The following SERPIND1 variants were observed in gnomAD, a reference collection of about 807,000 sequenced individuals.
SERPIND1 encodes heparin cofactor 2.
In SERPIND1, 34 loss-of-function variants were observed where a neutral mutation model predicts 35.0. That is an observed-to-expected ratio of 0.97 (90% confidence interval 0.74 to 1.29). The LOEUF (loss-of-function observed/expected upper bound fraction) is 1.29, where lower values mean the gene tolerates loss of function less well. Among genes scored for constraint, SERPIND1 ranks in the 50% most tolerant of loss-of-function variants. SERPIND1 has a pLI of 0.00. For missense variants in SERPIND1, 633 were observed against 637.7 expected (o/e 0.99, Z 0.08); for synonymous variants, 236 against 241.1 (o/e 0.98, Z 0.19).
intron 1 of SERPIND1, among the ~76,000 whole-genome samples, chr22:20,776,557 C>A (rs1264054559): frequency 6.6e-6 from 1 of 152,122 alleles, no homozygotes; most frequent in Non-Finnish European, 1.5e-5. Context: ...AAGGGGAAGA[C>A]CCAAGGAATG....
rs1269824022 is a variant in SERPIND1 at position 20,774,125 on chromosome 22, C to CCACTTCTCAGAAACACAGAGGT, written c.-36_-17+2dup. 1 of 152,180 alleles carries CCACTTCTCAGAAACACAGAGGT rather than the reference C, an allele frequency of 6.6e-6. No individual in the cohort carries two copies. Among genetic ancestry groups the CCACTTCTCAGAAACACAGAGGT allele is most frequent in the Non-Finnish European group, 1.5e-5 (1 of 68,042 alleles). 9.4% of individuals were successfully genotyped at this position (152,180 alleles called of 1,614,324 possible). On this transcript the variant is annotated 5_prime_UTR_variant, in exon 1 of 5. Coordinates refer to ENST00000215727, the MANE Select transcript of SERPIND1 (RefSeq NM_000185.4). ...CTTGGCTGCTTTCATCTCTGAAGCGCCACTTCTCAGAAACACAGAGGTAAG... is the reference window on the plus strand; with the variant it reads ...CTTGGCTGCTTTCATCTCTGAAGCGCCACTTCTCAGAAACACAGAGGTCACTTCTCAGAAACACAGAGGTAAG...
In SERPIND1 at chr22:20,786,962, C is replaced by G. The variant is rs1472854323; in HGVS notation, c.1396C>G (p.Gln466Glu). 1 of 1,614,062 alleles carries G rather than the reference C, an allele frequency of 6.2e-7. No homozygotes were observed. Among genetic ancestry groups the G allele is most frequent in the African/African-American group, 1.3e-5 (1 of 74,910 alleles). The change falls in exon 5 of 5, where the codon CAA becomes GAA. Residue 466 changes from glutamine (Q) to glutamate (E), a missense_variant. Gln to Glu is a conservative substitution (Grantham distance 29). Transcript: ENST00000215727. ...GGTGGGGTTCATGCCGCTGTCCACC[C>G]AAGTCCGCTTCACTGTCGACCGCCC... ...TTVGFMPLST[Q>E]VRFTVDRPFL...
At position 20,784,136 on chromosome 22, in the gene SERPIND1, G is replaced by T. The variant is rs759919006; in HGVS notation, c.1054G>T (p.Gly352Cys). 3.7e-6 allele frequency: 6 copies of T among 1,614,024 alleles called. No individual in the cohort carries two copies. Among genetic ancestry groups the T allele is most frequent in the African/African-American group, 1.3e-5 (1 of 74,882 alleles). ...CDILQLEYVGGISMLIVVPHK... is the reference protein window; with the variant it reads ...CDILQLEYVGCISMLIVVPHK... ...CATCCTCCAGCTGGAATACGTGGGGGGCATCAGCATGCTAATTGTGGTCCC... is the reference window on the plus strand; with the variant it reads ...CATCCTCCAGCTGGAATACGTGGGGTGCATCAGCATGCTAATTGTGGTCCC... Residue 352 changes from glycine to cysteine, a missense_variant, in exon 3 of 5, where the codon GGC (glycine) becomes TGC (cysteine). Gly to Cys is a radical substitution (Grantham distance 159, BLOSUM62 -3). Coordinates refer to ENST00000215727, the MANE Select transcript of SERPIND1 (RefSeq NM_000185.4).
chr22:20,776,413 T>C (rs909224232), intron 1 of SERPIND1, among the ~76,000 whole-genome samples: 6 of 152,210 alleles, frequency 3.9e-5, no homozygotes, highest in Non-Finnish European at 2.9e-5. Flanking sequence ...GGTGCTGAGA[T>C]GGGGACCTGG....
chr22:20,784,751 T>A (rs530972912), intron 3 of SERPIND1, among the ~76,000 whole-genome samples: 1 of 152,322 alleles, frequency 6.6e-6, no homozygotes, highest in East Asian at 1.9e-4. Flanking sequence ...CGTTACTTTG[T>A]AGTTAAAACT....
intron 2 of SERPIND1, 43 bp from the exon 3 acceptor site, chr22:20,783,929 A>C (rs1219728189): frequency 4.3e-6 from 7 of 1,613,718 alleles, no homozygotes; most frequent in Middle Eastern, 1.7e-4. Context: ...CGATTTCCCT[A>C]AAGGAACCTT....
chr22:20,785,747 C>A (rs1189661308), intron 3 of SERPIND1, among the ~76,000 whole-genome samples: 1 of 152,112 alleles, frequency 6.6e-6, no homozygotes, highest in Non-Finnish European at 1.5e-5. Flanking sequence ...TGCTGCTAAC[C>A]TTGAAGATAG....
At chr22:20,785,726 A>C (rs919496775) in intron 3 of SERPIND1, among the ~76,000 whole-genome samples, 3 of 152,250 alleles carry the variant, frequency 2.0e-5, no homozygotes, top group African/African-American at 7.2e-5. Flanking sequence ...ACCATAAACC[A>C]GGAAAAGTTC....
chr22:20,778,666 T>C (rs938056057), intron 1 of SERPIND1, among the ~76,000 whole-genome samples: 12 of 152,202 alleles, frequency 7.9e-5, no homozygotes, highest in Admixed American at 3.9e-4. Flanking sequence ...AAAGGTGGAA[T>C]GGTGTGAGTC....
In SERPIND1 at chr22:20,787,272, A is replaced by T; in HGVS notation, c.*206A>T. On this transcript the variant is annotated 3_prime_UTR_variant, in exon 5 of 5. Transcript: ENST00000215727. ...GCACAATAGCCCATGCTGTAAGCTC[A>T]TAGAAGTCACTGTAACTGTAGTGTG... 1 of 603,724 alleles carries T rather than the reference A, an allele frequency of 1.7e-6. No homozygotes were observed. Among genetic ancestry groups the T allele is most frequent in the Non-Finnish European group, 3.0e-6 (1 of 338,120 alleles). 37.4% of individuals were successfully genotyped at this position (603,724 alleles called of 1,614,324 possible).
chr22:20,781,027 C>T (rs1430571434), intron 2 of SERPIND1, among the ~76,000 whole-genome samples: 1 of 152,144 alleles, frequency 6.6e-6, no homozygotes, highest in Non-Finnish European at 1.5e-5. Context: ...GAGCAGCTGA[C>T]ATTGACACCT....
intron 2 of SERPIND1, among the ~76,000 whole-genome samples, chr22:20,781,711 C>T (rs983503448): frequency 6.6e-6 from 1 of 152,250 alleles, no homozygotes. Flanking sequence ...GGCAGACACA[C>T]ACACAGAGAC....
At chr22:20,780,633 G>T (rs1003433588) in intron 2 of SERPIND1, among the ~76,000 whole-genome samples, 1 of 151,988 alleles carries the variant, frequency 6.6e-6, no homozygotes, top group Non-Finnish European at 1.5e-5. Context: ...AAAATTAGCT[G>T]GGCCTGGCGG....
At chr22:20,778,641 C>T (rs553436854) in intron 1 of SERPIND1, among the ~76,000 whole-genome samples, 2 of 152,312 alleles carry the variant, frequency 1.3e-5, no homozygotes, top group South Asian at 4.1e-4. Flanking sequence ...CATTTTTCAA[C>T]AGCATCTCCA....
rs1031676232 is a variant in SERPIND1, at chr22:20,787,217, C to T, written c.*151C>T. 4.1e-6 allele frequency: 3 copies of T among 723,660 alleles called. No individual in the cohort carries two copies. The highest frequency in any genetic ancestry group is 4.8e-6 in the Non-Finnish European group (2 of 416,394). 44.8% of individuals were successfully genotyped at this position (723,660 alleles called of 1,614,324 possible). On this transcript the variant is annotated 3_prime_UTR_variant, in exon 5 of 5. Coordinates refer to ENST00000215727, the MANE Select transcript of SERPIND1 (RefSeq NM_000185.4). ...CATATGAGAGGAGCTTAGAAACGAC[C>T]AAGAAGAGAGGCTTGTTGGAATCAA...
In SERPIND1 at chr22:20,779,765, CT is replaced by C; in HGVS notation, c.455del (p.Phe152SerfsTer2). On this transcript the variant is annotated frameshift_variant, in exon 2 of 5. Transcript: ENST00000215727. LOFTEE classifies it high-confidence loss of function. ...ACCAGGTCAACACTTTCGATAACATCTTCATAGCACCCGTTGGCATTTCTAC... is the reference window on the plus strand; with the variant it reads ...ACCAGGTCAACACTTTCGATAACATCTCATAGCACCCGTTGGCATTTCTAC... ...KDQVNTFDNI[F>X]IAPVGISTAM... 6.2e-7 allele frequency: 1 copy of C among 1,614,222 alleles called. No individual in the cohort carries two copies. The highest frequency in any genetic ancestry group is 8.5e-7 in the Non-Finnish European group (1 of 1,180,040).
chr22:20,778,083 G>A (rs1933442236), intron 1 of SERPIND1, among the ~76,000 whole-genome samples: 1 of 152,126 alleles, frequency 6.6e-6, no homozygotes, highest in African/African-American at 2.4e-5. Context: ...TATTGTCTAA[G>A]AGATACAAAG....
Position 20,786,078 on chromosome 22 carries a change from G to T in SERPIND1, c.1238G>T (p.Gly413Val), listed in dbSNP as rs1290844873. ...CTAGTGGAGTCCCTGAAGTTGATGG[G>T]GATCAGGATGCTGTTTGACAAAAAT... is the stretch of plus-strand genomic sequence containing the variant. ...YNLVESLKLMGIRMLFDKNGN... is the reference protein window; with the variant it reads ...YNLVESLKLMVIRMLFDKNGN... Residue 413 changes from glycine (G) to valine (V), a missense_variant, in exon 4 of 5, where the codon GGG (glycine) becomes GTG (valine). Transcript: ENST00000215727. 24 of 1,613,958 alleles carry T rather than the reference G, an allele frequency of 1.5e-5. No homozygotes were observed. Among genetic ancestry groups the T allele is most frequent in the Non-Finnish European group, 1.7e-5 (20 of 1,180,026 alleles).
At position 20,780,775 on chromosome 22, in the gene SERPIND1, C is replaced by CAAAAAAAAAAAAAAAAAAA. The variant is rs538327544; in HGVS notation, c.889+590_889+591insAAAAAAAAAAAAAAAAAAA. ...TGGACGACAGAGTGAGACTCCATCT[C>CAAAAAAAAAAAAAAAAAAA]AAAAAAAAAAAAAAAAGAAGTAAAA... On this transcript the variant is annotated intron_variant, in intron 2 of 4. Coordinates refer to ENST00000215727, the MANE Select transcript of SERPIND1 (RefSeq NM_000185.4). Among the ~76,000 whole-genome samples, 121 of 67,472 alleles carry CAAAAAAAAAAAAAAAAAAA rather than the reference C, an allele frequency of 1.8e-3. 3 individuals are homozygous for CAAAAAAAAAAAAAAAAAAA. The highest frequency in any genetic ancestry group is 2.4e-3 in the African/African-American group (37 of 15,142). The allele number at this position is 67,472 out of a possible 152,430, so 44.3% of individuals were successfully genotyped here.
Sources: gnomAD v4.1 joint callset for allele counts (sites outside exome capture counted in the v4.1 genomes callset) on GRCh38, gnomAD v4.1.1 for gene constraint, MANE v1.5 for transcripts, NCBI Gene and HGNC (gene_info 2026-07-23, HGNC 2026-07-21) for gene names.